The following PRAG1 variants were observed in gnomAD, a reference collection of about 807,000 sequenced individuals.
The protein encoded by PRAG1 is inactive tyrosine-protein kinase PRAG1.
In PRAG1, 110 loss-of-function variants were observed where a neutral mutation model predicts 95.6. The observed-to-expected ratio is 1.15, with a 90% CI of 0.99 to 1.35. The LOEUF is 1.35. PRAG1 is among the 40% of genes most tolerant of loss of function. The pLI is 0.00. For synonymous variants in PRAG1, 1,052 were observed against 819.4 expected (o/e 1.28, Z -4.85); for missense variants, 2,554 against 1,864.7 (o/e 1.37, Z -6.81).
intron 5 of PRAG1, among the ~76,000 whole-genome samples, chr8:8,326,461 A>G (rs1463838928): frequency 6.6e-6 from 1 of 152,140 alleles, no homozygotes; most frequent in Non-Finnish European, 1.5e-5. Flanking sequence ...GACTCCCAAT[A>G]AAAGCCCACA....
intron 3 of PRAG1, among the ~76,000 whole-genome samples, chr8:8,350,159 C>T (rs1225034120): frequency 6.6e-6 from 1 of 152,146 alleles, no homozygotes; most frequent in African/African-American, 2.4e-5. Flanking sequence ...TTATTTGTGG[C>T]CCCAGCCTAC....
chr8:8,341,837 A>T (rs1799175306), intron 3 of PRAG1, among the ~76,000 whole-genome samples: 1 of 152,216 alleles, frequency 6.6e-6, no homozygotes, highest in Non-Finnish European at 1.5e-5. Context: ...GTTAAAATAG[A>T]ATTATAAAAT....
At position 8,318,498 on chromosome 8, in the gene PRAG1, G is replaced by T. The variant is rs1263477603; in HGVS notation, c.3877C>A (p.Leu1293Met). The T allele has an allele frequency of 1.2e-6, 2 of 1,612,198 alleles. No homozygotes were observed. Among genetic ancestry groups the T allele is most frequent in the East Asian group, 4.5e-5 (2 of 44,836 alleles). ...RQEDLPPLPA[L>M]SLYSPGLQQL... is the part of the protein sequence containing the mutation. ...TGCAGGCCGGGTGAGTAGAGGGACA[G>T]CGCGGGCAGCGGCGGCAGGTCCTCC... The change falls in exon 6 of 6, where the codon CTG (leucine) becomes ATG (methionine). Residue 1293 changes from leucine to methionine, a missense_variant. Transcript: ENST00000615670. This position sits in a 1 kb window ranked among gnomAD's most constrained non-coding sequence, Gnocchi z 4.2.
chr8:8,341,257 A>T (rs1180171141), intron 3 of PRAG1, among the ~76,000 whole-genome samples: 2 of 152,204 alleles, frequency 1.3e-5, no homozygotes, highest in Non-Finnish European at 2.9e-5. Context: ...ACTTCATGAA[A>T]TGTATGTAAA....
intron 3 of PRAG1, among the ~76,000 whole-genome samples, chr8:8,343,820 A>C (rs1030958440): frequency 3.3e-5 from 5 of 152,216 alleles, no homozygotes; most frequent in Admixed American, 2.0e-4. Context: ...GCATGTGGGC[A>C]ATCAGTTACT....
chr8:8,375,360 C>T lies in PRAG1; in HGVS notation c.2162+887G>A, dbSNP rs527495689. On this transcript the variant is annotated intron_variant, in intron 3 of 5. Transcript: ENST00000615670. Reference sequence around the variant, plus strand: ...CTGGGACTACAGGCGCCCGCCACCACGCCTGGCTAATTTTTGTATTTTTAG... The same window carrying T: ...CTGGGACTACAGGCGCCCGCCACCATGCCTGGCTAATTTTTGTATTTTTAG... Among the ~76,000 whole-genome samples, 4 of 152,202 alleles carry T rather than the reference C, an allele frequency of 2.6e-5. No homozygotes were observed. In the South Asian group the frequency reaches 6.2e-4, roughly 24 times the overall value.
At position 8,318,354 on chromosome 8, in the gene PRAG1, C is replaced by A; in HGVS notation, c.4021G>T (p.Gly1341Cys). The A allele has an allele frequency of 1.2e-6, 2 of 1,613,914 alleles. No individual in the cohort carries two copies. The highest frequency in any genetic ancestry group is 1.7e-6 in the Non-Finnish European group (2 of 1,179,868). ...CCGCACAGCGCCTCCTCCGAGGTGC[C>A]CGGCTGCTGCACCAGCTCGCGCCGA... ...GPRRELVQQP[G>C]TSEEALCGTL... The change falls in exon 6 of 6, where the codon GGC becomes TGC. Residue 1341 changes from glycine to cysteine, a missense_variant. Transcript: ENST00000615670. The surrounding 1 kb of genome is among the most constrained non-coding windows in gnomAD (Gnocchi z 4.2).
intron 4 of PRAG1, among the ~76,000 whole-genome samples, chr8:8,329,939 A>G (rs1798766018): frequency 6.6e-6 from 1 of 152,202 alleles, no homozygotes; most frequent in South Asian, 2.1e-4. Flanking sequence ...CGGGAGGACA[A>G]ACTCAGTGCA....
intron 4 of PRAG1, among the ~76,000 whole-genome samples, chr8:8,332,601 A>T (rs778873187): frequency 1.7e-4 from 26 of 152,104 alleles, no homozygotes; most frequent in Admixed American, 3.3e-4. Flanking sequence ...GTGAGAGGTC[A>T]GAATTCACTC....
In PRAG1 at chr8:8,376,769, T is replaced by A. The variant is rs751839898; in HGVS notation, c.1640A>T (p.Lys547Met). ...CCCTACAGGGCTACTCTTGGACAAC[T>A]TGGGGGGAATGGCGGGCCTCTCCTT... is the stretch of plus-strand genomic sequence containing the variant. ...KPKERPAIPP[K>M]LSKSSPVGSP... The change falls in exon 3 of 6, where the codon AAG (lysine) becomes ATG (methionine). Residue 547 changes from lysine (K) to methionine (M), a missense_variant. By Grantham distance (95) the Lys-to-Met change is moderately conservative (BLOSUM62 -1). Coordinates refer to ENST00000615670, the MANE Select transcript of PRAG1 (RefSeq NM_001080826.3). 6.2e-7 allele frequency: 1 copy of A among 1,610,652 alleles called. No homozygotes were observed.
chr8:8,374,461 A>G (rs1184886292), intron 3 of PRAG1: 1 of 160,038 alleles, frequency 6.2e-6, no homozygotes, highest in Non-Finnish European at 1.3e-5. Flanking sequence ...TAGACTTAGG[A>G]GTCTTGCAGG....
intron 3 of PRAG1, among the ~76,000 whole-genome samples, chr8:8,350,320 A>G (rs1799481383): frequency 6.6e-6 from 1 of 152,114 alleles, no homozygotes. Context: ...AGTGATGAAG[A>G]ACTCATAGCT....
intron 3 of PRAG1, among the ~76,000 whole-genome samples, chr8:8,373,036 C>T (rs1479038896): frequency 6.6e-6 from 1 of 152,178 alleles, no homozygotes; most frequent in African/African-American, 2.4e-5. Context: ...CAAATGGGCC[C>T]ATGTGAAGAA....
At chr8:8,384,048 T>C (rs985952232) in intron 1 of PRAG1, among the ~76,000 whole-genome samples, 9 of 152,162 alleles carry the variant, frequency 5.9e-5, no homozygotes, top group Non-Finnish European at 1.2e-4. Flanking sequence ...CTCCGCGGGA[T>C]GGAGGAAGAC....
chr8:8,345,772 G>C (rs1294960293), intron 3 of PRAG1, among the ~76,000 whole-genome samples: 1 of 152,182 alleles, frequency 6.6e-6, no homozygotes, highest in Non-Finnish European at 1.5e-5. Context: ...TCCAGCCTGG[G>C]TGACAGAGCG....
At chr8:8,325,886 T>C (rs2203826) in intron 5 of PRAG1, among the ~76,000 whole-genome samples, 11,963 of 151,506 alleles carry the variant, frequency 0.079, 735 homozygotes, top group African/African-American at 0.17. Flanking sequence ...TACTCCAGCC[T>C]GGGCAACAGA....
chr8:8,368,931 A>G (rs1266173404), intron 3 of PRAG1, among the ~76,000 whole-genome samples: 7 of 152,150 alleles, frequency 4.6e-5, no homozygotes, highest in Non-Finnish European at 8.8e-5. Flanking sequence ...GAAAAAAAAA[A>G]AAAAAAGCAG....
At chr8:8,380,205 G>C (rs549258684) in intron 2 of PRAG1, among the ~76,000 whole-genome samples, 40 of 152,166 alleles carry the variant, frequency 2.6e-4, no homozygotes, top group Middle Eastern at 3.4e-3. Flanking sequence ...AGCCTGGGAG[G>C]TGGAGATTGC....
chr8:8,318,382 C>T lies in PRAG1; in HGVS notation c.3993G>A (p.Gly1331=), dbSNP rs376785459. The change falls in exon 6 of 6, where the codon GGG becomes GGA. Residue 1331 remains glycine (G), a synonymous_variant. Coordinates refer to ENST00000615670, the MANE Select transcript of PRAG1 (RefSeq NM_001080826.3). The surrounding 1 kb of genome is among the most constrained non-coding windows in gnomAD (Gnocchi z 4.2). ...AKRVLQCLLW[G]PRRELVQQPG... Reference sequence around the variant, plus strand: ...GCTGCTGCACCAGCTCGCGCCGAGGCCCCCACAGCAGGCACTGCAGCACGC... The same window carrying T: ...GCTGCTGCACCAGCTCGCGCCGAGGTCCCCACAGCAGGCACTGCAGCACGC... The T allele has an allele frequency of 4.3e-6, 7 of 1,613,378 alleles. No homozygotes were observed. The highest frequency in any genetic ancestry group is 1.7e-4 in the Middle Eastern group (1 of 6,058).
Sources: allele counts gnomAD v4.1 joint callset (sites outside exome capture counted in the v4.1 genomes callset), GRCh38; gene constraint gnomAD v4.1.1; non-coding constraint Gnocchi (gnomAD v3.1); transcripts MANE v1.5; gene names NCBI Gene and HGNC (gene_info 2026-07-23, HGNC 2026-07-21).